The following DARS2 variants were observed in gnomAD, a reference collection of about 807,000 sequenced individuals.
DARS2 encodes aspartyl-tRNA synthetase 2, mitochondrial, also known as aspartate--tRNA ligase, mitochondrial.
A neutral mutation model predicts 83.0 loss-of-function variants in DARS2; 63 were observed. The observed-to-expected ratio is 0.76, with a 90% CI of 0.62 to 0.94. The LOEUF is 0.94. Ranked by LOEUF, DARS2 falls within the 40% of genes least tolerant of loss-of-function variation. The probability of loss-of-function intolerance (pLI) is 0.00; values close to 1 mark genes in which losing one functional copy is unlikely to be tolerated. For synonymous variants in DARS2, 250 were observed against 269.3 expected, an observed-to-expected ratio of 0.93 and a Z score of 0.70; for missense variants, 675 against 774.4, an observed-to-expected ratio of 0.87 and a Z score of 1.52.
chr1:173,827,520 A>C (rs1429054884), intron 2 of DARS2, among the ~76,000 whole-genome samples: 3 of 152,070 alleles, frequency 2.0e-5, no homozygotes, highest in African/African-American at 7.2e-5. Flanking sequence ...AATTCTAGCT[A>C]CTCAGGAGGC....
At chr1:173,855,951 A>G (rs1653845411) in intron 15 of DARS2, among the ~76,000 whole-genome samples, 1 of 151,784 alleles carries the variant, frequency 6.6e-6, no homozygotes, top group Non-Finnish European at 1.5e-5. Flanking sequence ...GTGAGCCACC[A>G]CACCTGGCCT....
chr1:173,850,578 C>A, intron 13 of DARS2, 99 bp downstream of exon 13: 329 of 1,043,130 alleles, frequency 3.2e-4, no homozygotes, highest in Non-Finnish European at 4.1e-4. Context: ...ACTGTTAATT[C>A]ATAAAATGGA....
chr1:173,851,938 T>C (rs1380805987), intron 13 of DARS2: 7 of 985,092 alleles, frequency 7.1e-6, no homozygotes, highest in Non-Finnish European at 7.2e-6. Flanking sequence ...AATTTTATTA[T>C]GAATGCATTT....
In DARS2 at chr1:173,826,752, G is replaced by C. The variant is rs1652595432; in HGVS notation, c.193G>C (p.Glu65Gln). Residue 65 changes from glutamate to glutamine, a missense_variant, in exon 2 of 17, where the codon GAA becomes CAA. Physicochemically the swap from Glu to Gln is conservative, Grantham distance 29 (BLOSUM62 2). Coordinates refer to ENST00000649689, the MANE Select transcript of DARS2 (RefSeq NM_018122.5). ...GTTGCGTTCGTCTCACTTAGGCCAA[G>C]AAGTCACCTTGTGTGGATGGATTCA... The part of the protein sequence containing the change: ...GELRSSHLGQ[E>Q]VTLCGWIQYR... The C allele has an allele frequency of 6.2e-7, 1 of 1,612,740 alleles. No individual in the cohort carries two copies. Among genetic ancestry groups the C allele is most frequent in the Non-Finnish European group, 8.5e-7 (1 of 1,179,678 alleles).
intron 15 of DARS2, among the ~76,000 whole-genome samples, chr1:173,856,414 TGCATTTACTGAACACCAG>T (rs1430027545): frequency 6.6e-6 from 1 of 152,250 alleles, no homozygotes; most frequent in Non-Finnish European, 1.5e-5. Flanking sequence ...CAGTAAAAGC[TGCATTTACTGAACACCAG>T]GCATTTTTGT....
intron 12 of DARS2, among the ~76,000 whole-genome samples, chr1:173,848,475 G>C (rs1182808947): frequency 1.3e-5 from 2 of 152,192 alleles, no homozygotes; most frequent in African/African-American, 4.8e-5. Flanking sequence ...GTGAACACTT[G>C]AAATAGGATA....
At chr1:173,834,273 A>G (rs1269944027) in intron 6 of DARS2, among the ~76,000 whole-genome samples, 200 bp from the exon 7 acceptor site, 1 of 152,220 alleles carries the variant, frequency 6.6e-6, no homozygotes, top group African/African-American at 2.4e-5. Flanking sequence ...AGTATGCTTT[A>G]TGAACAGAAT....
In DARS2 at chr1:173,828,311, T is replaced by A. The variant is rs1557853625; in HGVS notation, c.228-22T>A. 6.3e-7 allele frequency: 1 copy of A among 1,586,798 alleles called. No homozygotes were observed. Among genetic ancestry groups the A allele is most frequent in the Non-Finnish European group, 8.6e-7 (1 of 1,159,974 alleles). On this transcript the variant is annotated intron_variant, in intron 2 of 16. Transcript: ENST00000649689. ...AGAGATTTTATCTTAAAATGTTTCTTTTCCCCCCCCCCATTAATCAGGCAA... is the reference window on the plus strand; with the variant it reads ...AGAGATTTTATCTTAAAATGTTTCTATTCCCCCCCCCCATTAATCAGGCAA...
intron 5 of DARS2, 63 bp downstream of exon 5, chr1:173,831,693 T>C: frequency 1.6e-6 from 2 of 1,286,324 alleles, no homozygotes; most frequent in South Asian, 1.2e-5. Flanking sequence ...AGTCAAGTAT[T>C]TTCAGAGTTT....
chr1:173,838,068 C>T (rs182381923), intron 8 of DARS2, 122 bp from the exon 9 acceptor site: 30 of 804,850 alleles, frequency 3.7e-5, no homozygotes, highest in African/African-American at 2.7e-4. Context: ...CCGCCATGCC[C>T]GGCCCTTCTT....
intron 13 of DARS2, among the ~76,000 whole-genome samples, chr1:173,853,093 A>G (rs937229568): frequency 1.3e-5 from 2 of 152,192 alleles, no homozygotes; most frequent in African/African-American, 4.8e-5. Context: ...ACCCAGGTCT[A>G]TGAAGTGCTG....
chr1:173,839,591 G>A, intron 10 of DARS2, 45 bp downstream of exon 10: 1 of 1,578,552 alleles, frequency 6.3e-7, no homozygotes, highest in Non-Finnish European at 8.7e-7. Context: ...AAATAATCCT[G>A]CAGTCTTTTT....
Position 173,833,453 on chromosome 1 carries a change from G to A in DARS2, c.570G>A (p.Arg190=). 2 of 1,614,152 alleles carry A rather than the reference G, an allele frequency of 1.2e-6. No homozygotes were observed. The highest frequency in any genetic ancestry group is 1.7e-6 in the Non-Finnish European group (2 of 1,180,006). ...SFQMQYNLRL[R]SQMVMKMREY... ...AAATGCAGTATAACCTGCGACTGAG[G>A]TCCCAGATGGTCATGAAAATGCGGG... Residue 190 remains arginine (R), a synonymous_variant, in exon 6 of 17, where the codon AGG becomes AGA. Transcript: ENST00000649689.
chr1:173,842,723 C>T (rs934299111), intron 11 of DARS2, among the ~76,000 whole-genome samples: 1 of 151,010 alleles, frequency 6.6e-6, no homozygotes, highest in African/African-American at 2.4e-5. Flanking sequence ...GGATTACTTG[C>T]GGTCAGGAGT....
chr1:173,825,461 T>TATTATTATC (rs911469482), intron 1 of DARS2, 105 bp downstream of exon 1: 1 of 515,222 alleles, frequency 1.9e-6, no homozygotes, highest in African/African-American at 2.2e-5. Flanking sequence ...TTATTATTAT[T>TATTATTATC]ATTATTATTA....
intron 9 of DARS2, among the ~76,000 whole-genome samples, 158 bp from the exon 10 acceptor site, chr1:173,839,209 C>A (rs1431550427): frequency 1.3e-5 from 2 of 152,134 alleles, no homozygotes; most frequent in Non-Finnish European, 2.9e-5. Flanking sequence ...GTATGTAAGG[C>A]CATTAGCACA....
chr1:173,837,860 G>A (rs1257825242), intron 8 of DARS2, among the ~76,000 whole-genome samples: 1 of 151,400 alleles, frequency 6.6e-6, no homozygotes, highest in African/African-American at 2.4e-5. Flanking sequence ...TGCAACCTCC[G>A]CCTCCCTGGT....
chr1:173,842,284 C>CTTTTTTTTTTTTTTT lies in DARS2; in HGVS notation c.1128+1330_1128+1344dup, dbSNP rs1178547914. 1.4e-3 allele frequency among the ~76,000 whole-genome samples: 92 copies of CTTTTTTTTTTTTTTT among 64,254 alleles called. 29 individuals are homozygous for CTTTTTTTTTTTTTTT. Among genetic ancestry groups the CTTTTTTTTTTTTTTT allele is most frequent in the East Asian group, 2.2e-3 (5 of 2,304 alleles). The allele number at this position is 64,254 out of a possible 152,430, so 42.2% of individuals were successfully genotyped here. A position where few individuals can be genotyped will look rare whatever the true frequency, so the allele number is the denominator to read the frequency against. ...CTCAGGAACTCAGTCTCATTACTTT[C>CTTTTTTTTTTTTTTT]TTTTTTTTTTTTTTTTTTTTTTTTT... On this transcript the variant is annotated intron_variant, in intron 11 of 16. Transcript: ENST00000649689.
intron 3 of DARS2, among the ~76,000 whole-genome samples, chr1:173,830,069 G>A (rs923127470): frequency 2.0e-5 from 3 of 148,730 alleles, no homozygotes; most frequent in South Asian, 4.2e-4. Context: ...ACACCAGAGT[G>A]ATACCCTGTG....
Sources: gnomAD v4.1 joint callset for allele counts (sites outside exome capture counted in the v4.1 genomes callset) on GRCh38, gnomAD v4.1.1 for gene constraint, MANE v1.5 for transcripts, NCBI Gene and HGNC (gene_info 2026-07-23, HGNC 2026-07-21) for gene names.